Variants in DPP10 observed in about 807,000 individuals in gnomAD.
DPP10 encodes inactive dipeptidyl peptidase 10.
A neutral mutation model predicts 120.9 loss-of-function variants in DPP10; 33 were observed. That is an observed-to-expected ratio of 0.27 (90% confidence interval 0.21 to 0.37). The LOEUF (loss-of-function observed/expected upper bound fraction) is 0.37, where lower values mean the gene tolerates loss of function less well. Among genes scored for constraint, DPP10 ranks in the 10% least tolerant of loss-of-function variants. DPP10 has a pLI of 1.00. For missense variants in DPP10, 816 were observed against 942.8 expected (o/e 0.87, Z 1.76); for synonymous variants, 337 against 326.1 (o/e 1.03, Z -0.36).
intron 1 of DPP10, among the ~76,000 whole-genome samples, chr2:115,169,494 A>G (rs1374302616): frequency 1.3e-5 from 2 of 152,120 alleles, no homozygotes; most frequent in Non-Finnish European, 2.9e-5. Context: ...TTATAGGTAG[A>G]TTATTATAGG....
intron 1 of DPP10, chr2:115,050,184 G>C (rs1053402574): frequency 6.6e-6 from 1 of 152,092 alleles, no homozygotes; most frequent in African/African-American, 2.4e-5. Flanking sequence ...GAGAAATTGG[G>C]AGACCATTTG....
chr2:114,901,800 C>T (rs1017924285), intron 1 of DPP10, among the ~76,000 whole-genome samples: 2 of 152,144 alleles, frequency 1.3e-5, no homozygotes, highest in African/African-American at 4.8e-5. Context: ...ACCTTAAGCT[C>T]TTTCTTCAAA....
chr2:115,453,519 G>A (rs558893118), intron 3 of DPP10, among the ~76,000 whole-genome samples: 195 of 151,570 alleles, frequency 1.3e-3, no homozygotes, highest in African/African-American at 4.5e-3. Flanking sequence ...GGGAAACCCT[G>A]AAGTATTTGG....
intron 16 of DPP10, among the ~76,000 whole-genome samples, 175 bp from the exon 17 acceptor site, chr2:115,782,177 C>T (rs1304349883): frequency 6.6e-6 from 1 of 151,992 alleles, no homozygotes; most frequent in Non-Finnish European, 1.5e-5. Flanking sequence ...TATTCTTACC[C>T]TTCTGAATAA....
chr2:115,389,565 T>C (rs2106533648), intron 3 of DPP10, among the ~76,000 whole-genome samples: 1 of 152,254 alleles, frequency 6.6e-6, no homozygotes, highest in Non-Finnish European at 1.5e-5. Context: ...AATAATAACC[T>C]TGTTGAACCT....
chr2:114,934,616 CTG>C, intron 1 of DPP10, among the ~76,000 whole-genome samples: 1 of 151,970 alleles, frequency 6.6e-6, no homozygotes, highest in Admixed American at 6.6e-5. Flanking sequence ...TGGGTCAACT[CTG>C]TGTGCGTGTG....
chr2:114,848,349 T>A (rs2106476324), intron 1 of DPP10, among the ~76,000 whole-genome samples: 1 of 152,278 alleles, frequency 6.6e-6, no homozygotes, highest in East Asian at 1.9e-4. Flanking sequence ...ACCCTGGGAC[T>A]CTAGCAAAAG....
At chr2:114,818,633 G>GT (rs972929740) in intron 1 of DPP10, among the ~76,000 whole-genome samples, 9 of 151,236 alleles carry the variant, frequency 6.0e-5, no homozygotes, top group Non-Finnish European at 1.2e-4. Context: ...ATTTAGGTCT[G>GT]TTTTTTTAAA....
At chr2:115,841,795 G>T (rs181171415) in intron 25 of DPP10, among the ~76,000 whole-genome samples, 7 of 152,284 alleles carry the variant, frequency 4.6e-5, no homozygotes, top group Admixed American at 4.6e-4. Flanking sequence ...AAGACCTTAT[G>T]AAAAACTACT....
chr2:115,088,971 C>A (rs111800152), intron 1 of DPP10, among the ~76,000 whole-genome samples: 1 of 152,022 alleles, frequency 6.6e-6, no homozygotes, highest in Admixed American at 6.6e-5. Flanking sequence ...CTTCCACAAC[C>A]TTTATTGCCA....
At chr2:114,978,737 AT>A (rs2104839358) in intron 1 of DPP10, among the ~76,000 whole-genome samples, 2 of 152,302 alleles carry the variant, frequency 1.3e-5, no homozygotes, top group South Asian at 4.1e-4. Context: ...TGACACTAAT[AT>A]TTTAATATAG....
intron 1 of DPP10, among the ~76,000 whole-genome samples, chr2:114,645,729 G>A (rs149599836): frequency 3.9e-5 from 6 of 152,282 alleles, no homozygotes; most frequent in African/African-American, 1.4e-4. Flanking sequence ...CTAGACTGAA[G>A]CTTGCCAAGG....
At chr2:115,789,209 T>C (rs1274036051) in intron 17 of DPP10, among the ~76,000 whole-genome samples, 2 of 152,158 alleles carry the variant, frequency 1.3e-5, no homozygotes, top group Non-Finnish European at 2.9e-5. Flanking sequence ...AGATCAAATT[T>C]TCTCATGAAT....
intron 1 of DPP10, among the ~76,000 whole-genome samples, chr2:114,826,893 A>G (rs1176902257): frequency 6.6e-6 from 1 of 152,184 alleles, no homozygotes; most frequent in Non-Finnish European, 1.5e-5. Flanking sequence ...ACATGATTGG[A>G]TAACAGGAGT....
chr2:114,675,007 C>T (rs1698580914), intron 1 of DPP10, among the ~76,000 whole-genome samples: 1 of 152,164 alleles, frequency 6.6e-6, no homozygotes, highest in African/African-American at 2.4e-5. Flanking sequence ...GGGTGACCTG[C>T]ATTGTGTTCA....
chr2:114,472,046 A>C (rs1004736315), intron 1 of DPP10, among the ~76,000 whole-genome samples: 4 of 152,248 alleles, frequency 2.6e-5, no homozygotes, highest in African/African-American at 7.2e-5. Flanking sequence ...AGACCTCAGC[A>C]TAACAGCTCA....
At chr2:115,409,707 C>A (rs186927079) in intron 3 of DPP10, among the ~76,000 whole-genome samples, 20 of 152,352 alleles carry the variant, frequency 1.3e-4, no homozygotes, top group African/African-American at 4.3e-4. Context: ...AACACACATG[C>A]ATGCACATGT....
At chr2:114,749,612 A>T (rs999967283) in intron 1 of DPP10, among the ~76,000 whole-genome samples, 34 of 59,794 alleles carry the variant, frequency 5.7e-4, no homozygotes, top group Non-Finnish European at 9.1e-4. Flanking sequence ...TTTGAGACAG[A>T]GTCTCACTCT....
At chr2:115,028,975 T>A (rs541864304) in intron 1 of DPP10, among the ~76,000 whole-genome samples, 1 of 152,074 alleles carries the variant, frequency 6.6e-6, no homozygotes, top group South Asian at 2.1e-4. Context: ...TTCTTCTAGA[T>A]AGTATTTAGT....
Sources: allele counts gnomAD v4.1 joint callset (sites outside exome capture counted in the v4.1 genomes callset), GRCh38; gene constraint gnomAD v4.1.1; transcripts MANE v1.5; gene names NCBI Gene and HGNC (gene_info 2026-07-23, HGNC 2026-07-21).